ZFAND3: variants seen among roughly 807,000 people sequenced by gnomAD.
ZFAND3 encodes the protein AN1-type zinc finger protein 3.
A neutral mutation model predicts 29.6 loss-of-function variants in ZFAND3; 10 were observed. The ratio of observed to expected loss-of-function variants is 0.34; its 90% confidence interval spans 0.21 to 0.57. The LOEUF (loss-of-function observed/expected upper bound fraction) is 0.57, where lower values mean the gene tolerates loss of function less well. Ranked by LOEUF, ZFAND3 falls within the 20% of genes least tolerant of loss-of-function variation. The pLI is 0.86. For synonymous variants in ZFAND3, 128 were observed against 112.6 expected (o/e 1.14, Z -0.87); for missense variants, 230 against 304.5 (o/e 0.76, Z 1.82).
At chr6:37,862,202 A>G (rs542731142) in intron 1 of ZFAND3, among the ~76,000 whole-genome samples, 39 of 152,196 alleles carry the variant, frequency 2.6e-4, no homozygotes, top group African/African-American at 8.9e-4. Context: ...TTTTAACCAT[A>G]TGTTTACTTT....
intron 2 of ZFAND3, among the ~76,000 whole-genome samples, chr6:37,934,433 T>C (rs1761657181): frequency 6.6e-6 from 1 of 151,252 alleles, no homozygotes; most frequent in Admixed American, 6.6e-5. Context: ...TCTGGGGAAG[T>C]ACCAGGAAGT....
chr6:38,144,211 A>ATATATATATAT (rs70981524), intron 5 of ZFAND3, among the ~76,000 whole-genome samples: 15 of 45,842 alleles, frequency 3.3e-4, no homozygotes, highest in African/African-American at 8.7e-4. Flanking sequence ...ATATATATAT[A>ATATATATATAT]ATATATAATA....
chr6:38,051,955 C>T (rs1217746406), intron 2 of ZFAND3, among the ~76,000 whole-genome samples: 1 of 152,096 alleles, frequency 6.6e-6, no homozygotes, highest in African/African-American at 2.4e-5. Context: ...ACAATAAATG[C>T]TGTATAGGAA....
chr6:37,929,349 A>G (rs1275374387), intron 1 of ZFAND3, among the ~76,000 whole-genome samples: 5 of 152,206 alleles, frequency 3.3e-5, no homozygotes, highest in African/African-American at 7.2e-5. Flanking sequence ...ATGCCCATCC[A>G]AGTTAGTATT....
rs1364599597 is a variant in ZFAND3, at chr6:37,907,113, A to G, written c.72-22846A>G. ...ATAGCTTAGCCTGATGCCTGATTCC[A>G]TGCTTGCACTGACTCTCTGTCTGCA... On this transcript the variant is annotated intron_variant, in intron 1 of 5. Coordinates refer to ENST00000287218, the MANE Select transcript of ZFAND3 (RefSeq NM_021943.3). 3.3e-5 allele frequency among the ~76,000 whole-genome samples: 5 copies of G among 152,090 alleles called. No individual in the cohort carries two copies. The East Asian group carries it at 5.8e-4, about 18-fold the overall frequency.
At chr6:37,973,429 T>C (rs1466934733) in intron 2 of ZFAND3, among the ~76,000 whole-genome samples, 3 of 152,246 alleles carry the variant, frequency 2.0e-5, no homozygotes, top group African/African-American at 7.2e-5. Flanking sequence ...TGTCTTTCTC[T>C]AAACTTGGTT....
chr6:38,153,306 G>GT lies in ZFAND3; in HGVS notation c.*917_*918insT. The GT allele has an allele frequency of 1.0e-6, 1 of 985,510 alleles. No individual in the cohort carries two copies. Among genetic ancestry groups the GT allele is most frequent in the Non-Finnish European group, 1.2e-6 (1 of 829,966 alleles). 61.0% of individuals were successfully genotyped at this position (985,510 alleles called of 1,614,324 possible). A position where few individuals can be genotyped will look rare whatever the true frequency, so the allele number is the denominator to read the frequency against. ...ATTTCATAGCCAACAAGAATCAGTA[G>GT]AAGTGCTGGGAGCAGCAGCTGGGGA... On this transcript the variant is annotated 3_prime_UTR_variant, in exon 6 of 6. Transcript: ENST00000287218.
chr6:38,068,524 C>T (rs1764389416), intron 3 of ZFAND3, among the ~76,000 whole-genome samples: 1 of 152,116 alleles, frequency 6.6e-6, no homozygotes, highest in African/African-American at 2.4e-5. Flanking sequence ...TGACAGTGTG[C>T]AGCATAGGTA....
At position 38,154,504 on chromosome 6, in the gene ZFAND3, T is replaced by TA. The variant is rs1195566704; in HGVS notation, c.*2116dup. 1.0e-6 allele frequency: 1 copy of TA among 981,130 alleles called. No individual in the cohort carries two copies. Among genetic ancestry groups the TA allele is most frequent in the Non-Finnish European group, 1.2e-6 (1 of 825,704 alleles). The allele number at this position is 981,130 out of a possible 1,614,324, so 60.8% of individuals were successfully genotyped here. On this transcript the variant is annotated 3_prime_UTR_variant, in exon 6 of 6. Transcript: ENST00000287218. ...ATTTAACCCTTTTGTGTTCTAGATT[T>TA]ACTTACACACATAGCCTAGAGCTCA...
chr6:37,835,728 A>T (rs913060742), intron 1 of ZFAND3, among the ~76,000 whole-genome samples: 1 of 151,752 alleles, frequency 6.6e-6, no homozygotes, highest in African/African-American at 2.4e-5. Context: ...TTTCCTATGC[A>T]TGTACTGCAT....
At chr6:38,072,417 A>G (rs914977301) in intron 3 of ZFAND3, among the ~76,000 whole-genome samples, 5 of 152,196 alleles carry the variant, frequency 3.3e-5, no homozygotes, top group African/African-American at 1.2e-4. Flanking sequence ...TTTTCAAGCA[A>G]CATCATCACT....
intron 2 of ZFAND3, chr6:38,003,603 A>G (rs550889535): frequency 2.1e-4 from 56 of 266,092 alleles, no homozygotes; most frequent in South Asian, 6.0e-4. Context: ...GGCTCTAGCA[A>G]TCCTCCCACT....
intron 1 of ZFAND3, among the ~76,000 whole-genome samples, chr6:37,859,038 T>C (rs1022429967): frequency 2.0e-5 from 3 of 152,236 alleles, no homozygotes; most frequent in African/African-American, 4.8e-5. Context: ...GATACACGTA[T>C]GTTTTAGCCC....
In ZFAND3 at chr6:37,895,038, CTTA is replaced by C. The variant is rs765579122; in HGVS notation, c.72-34916_72-34914del. ...TTGTAGAGATTTTTGGATCAAAGGG[CTTA>C]TTATGTTTCCAATCAGTTTTTAAAC... On this transcript the variant is annotated intron_variant, in intron 1 of 5. Transcript: ENST00000287218. Among the ~76,000 whole-genome samples the C allele has an allele frequency of 2.0e-5, 3 of 152,122 alleles. No individual in the cohort carries two copies. In the South Asian group the frequency reaches 6.2e-4, roughly 32 times the overall value.
chr6:38,044,308 G>T (rs1374685804), intron 2 of ZFAND3, among the ~76,000 whole-genome samples: 2 of 151,914 alleles, frequency 1.3e-5, no homozygotes, highest in East Asian at 3.9e-4. Flanking sequence ...TAATGGAGAA[G>T]ATTTATTTAA....
intron 2 of ZFAND3, among the ~76,000 whole-genome samples, chr6:37,937,952 C>A (rs994182989): frequency 2.0e-5 from 3 of 152,104 alleles, no homozygotes; most frequent in Non-Finnish European, 2.9e-5. Flanking sequence ...CACAAACCCA[C>A]CCAGAAGTAA....
intron 1 of ZFAND3, among the ~76,000 whole-genome samples, chr6:37,838,338 C>T (rs1764007549): frequency 6.6e-6 from 1 of 152,082 alleles, no homozygotes; most frequent in Admixed American, 6.6e-5. Flanking sequence ...AAATTTCATC[C>T]TTTTGGAGTG....
chr6:37,986,366 C>G (rs1265803466), intron 2 of ZFAND3, among the ~76,000 whole-genome samples: 1 of 152,108 alleles, frequency 6.6e-6, no homozygotes, highest in Non-Finnish European at 1.5e-5. Flanking sequence ...GATTCACCAG[C>G]TGTTACCTAG....
chr6:37,920,688 C>T (rs1188470974), intron 1 of ZFAND3, among the ~76,000 whole-genome samples: 1 of 152,158 alleles, frequency 6.6e-6, no homozygotes, highest in Non-Finnish European at 1.5e-5. Context: ...GAAACTAATA[C>T]CCTTATTAAC....
Sources: allele counts gnomAD v4.1 joint callset (sites outside exome capture counted in the v4.1 genomes callset), GRCh38; gene constraint gnomAD v4.1.1; transcripts MANE v1.5; gene names NCBI Gene and HGNC (gene_info 2026-07-23, HGNC 2026-07-21).